Variants in PTPRD observed in about 807,000 individuals in gnomAD.
PTPRD encodes protein tyrosine phosphatase receptor type D, also known as receptor-type tyrosine-protein phosphatase delta.
PTPRD carries 34 observed loss-of-function variants against 214.5 expected under a neutral mutation model. The observed-to-expected ratio is 0.16, with a 90% CI of 0.12 to 0.21. PTPRD has a LOEUF of 0.21. Among genes scored for constraint, PTPRD ranks in the 10% least tolerant of loss-of-function variants. PTPRD has a pLI of 1.00. For missense variants in PTPRD, 2,545 were observed against 2,398.7 expected (o/e 1.06, Z -1.27); for synonymous variants, 1,128 against 845.7 (o/e 1.33, Z -5.79).
At chr9:9,663,827 A>G (rs997995187) in intron 7 of PTPRD, among the ~76,000 whole-genome samples, 5 of 151,600 alleles carry the variant, frequency 3.3e-5, no homozygotes, top group Non-Finnish European at 5.9e-5. Context: ...ACAGTTGATT[A>G]ATTTTACACT....
intron 11 of PTPRD, among the ~76,000 whole-genome samples, chr9:8,988,676 A>G (rs978214187): frequency 6.6e-6 from 1 of 152,060 alleles, no homozygotes; most frequent in Non-Finnish European, 1.5e-5. Context: ...TAACATTACG[A>G]TTTTTTTAGG....
chr9:8,519,460 AC>A (rs1218899632), intron 20 of PTPRD, among the ~76,000 whole-genome samples: 4 of 152,106 alleles, frequency 2.6e-5, no homozygotes, highest in African/African-American at 9.7e-5. Context: ...CTAATAGTTG[AC>A]TCTTTAGAGA....
At chr9:9,908,309 G>C (rs1338785832) in intron 5 of PTPRD, among the ~76,000 whole-genome samples, 2 of 151,872 alleles carry the variant, frequency 1.3e-5, no homozygotes, top group Non-Finnish European at 2.9e-5. Context: ...AGTATCAATA[G>C]CTGGTATAAA....
At chr9:8,892,493 T>C (rs2098547870) in intron 11 of PTPRD, among the ~76,000 whole-genome samples, 1 of 151,614 alleles carries the variant, frequency 6.6e-6, no homozygotes, top group Admixed American at 6.6e-5. Context: ...TGGATAAATA[T>C]AATAATAATA....
In PTPRD at chr9:10,332,594, C is replaced by T. The variant is rs1323912802; in HGVS notation, c.-545+8369G>A. Among the ~76,000 whole-genome samples, 3 of 151,872 alleles carry T rather than the reference C, an allele frequency of 2.0e-5. No homozygotes were observed. In the East Asian group the frequency reaches 5.8e-4, roughly 30 times the overall value. ...ATGACATACTACATGCAGCATATAA[C>T]GTGTACTACCTACACCCCATGTTCT... is the stretch of plus-strand genomic sequence containing the variant. On this transcript the variant is annotated intron_variant, in intron 3 of 45. Transcript: ENST00000381196.
At chr9:10,436,830 G>A (rs2098721226) in intron 2 of PTPRD, among the ~76,000 whole-genome samples, 1 of 151,752 alleles carries the variant, frequency 6.6e-6, no homozygotes, top group Non-Finnish European at 1.5e-5. Flanking sequence ...AGGAATGGAG[G>A]AGAACTAACG....
At chr9:9,494,761 C>T (rs978745874) in intron 8 of PTPRD, among the ~76,000 whole-genome samples, 1 of 152,150 alleles carries the variant, frequency 6.6e-6, no homozygotes, top group Non-Finnish European at 1.5e-5. Context: ...AGATTCAACA[C>T]AAGTTTAATC....
chr9:9,661,043 C>T (rs570530472), intron 7 of PTPRD, among the ~76,000 whole-genome samples: 2 of 152,022 alleles, frequency 1.3e-5, no homozygotes, highest in East Asian at 1.9e-4. Context: ...TAAACCACCA[C>T]GTAACTTTCC....
At chr9:8,684,766 G>T (rs1022327381) in intron 12 of PTPRD, among the ~76,000 whole-genome samples, 1 of 151,972 alleles carries the variant, frequency 6.6e-6, no homozygotes, top group African/African-American at 2.4e-5. Flanking sequence ...GATTTTAAGG[G>T]TTACAGATTG....
chr9:9,675,284 G>A (rs1450137556), intron 7 of PTPRD, among the ~76,000 whole-genome samples: 2 of 151,586 alleles, frequency 1.3e-5, no homozygotes, highest in Non-Finnish European at 3.0e-5. Context: ...TGCAGTAAAA[G>A]GACTTTCAGA....
chr9:9,046,415 T>C (rs192836863), intron 10 of PTPRD, among the ~76,000 whole-genome samples: 326 of 152,330 alleles, frequency 2.1e-3, no homozygotes, highest in African/African-American at 7.5e-3. Flanking sequence ...AATTGGTAGC[T>C]GTTATCGTGA....
At chr9:8,471,136 G>A (rs756207332) in intron 30 of PTPRD, 51 bp from the exon 31 acceptor site, 37 of 1,487,300 alleles carry the variant, frequency 2.5e-5, no homozygotes, top group South Asian at 4.5e-5. Context: ...GGAGGAAAAC[G>A]TGGATATACC....
At chr9:8,575,401 G>A (rs941427062) in intron 14 of PTPRD, among the ~76,000 whole-genome samples, 3 of 152,082 alleles carry the variant, frequency 2.0e-5, no homozygotes, top group Non-Finnish European at 4.4e-5. Context: ...TATATCAAAT[G>A]CATTAAATAG....
At chr9:9,675,359 TATCTC>T (rs2096909504) in intron 7 of PTPRD, among the ~76,000 whole-genome samples, 2 of 151,800 alleles carry the variant, frequency 1.3e-5, no homozygotes, top group African/African-American at 4.8e-5. Context: ...AATCAACTAA[TATCTC>T]ATCCAGGAAT....
At chr9:10,032,851 A>G (rs1476600351) in intron 4 of PTPRD, among the ~76,000 whole-genome samples, 2 of 151,778 alleles carry the variant, frequency 1.3e-5, no homozygotes, top group East Asian at 3.9e-4. Flanking sequence ...ATATTTTTTT[A>G]CTATTATTTA....
chr9:9,678,116 T>C (rs2096974588), intron 7 of PTPRD, among the ~76,000 whole-genome samples: 1 of 151,996 alleles, frequency 6.6e-6, no homozygotes, highest in Non-Finnish European at 1.5e-5. Context: ...GTAGGAAGAA[T>C]CAATATCGTG....
intron 3 of PTPRD, among the ~76,000 whole-genome samples, chr9:10,123,564 T>A (rs1364952192): frequency 6.6e-6 from 1 of 152,170 alleles, no homozygotes; most frequent in Non-Finnish European, 1.5e-5. Context: ...AACCATCTTG[T>A]TATATAACTA....
At chr9:8,649,193 C>G (rs528721985) in intron 12 of PTPRD, among the ~76,000 whole-genome samples, 1 of 152,180 alleles carries the variant, frequency 6.6e-6, no homozygotes, top group Non-Finnish European at 1.5e-5. Context: ...TTAAGAGGAA[C>G]TAGTGTGATG....
At chr9:9,379,429 G>A (rs144380475) in intron 9 of PTPRD, among the ~76,000 whole-genome samples, 43 of 151,750 alleles carry the variant, frequency 2.8e-4, no homozygotes, top group African/African-American at 9.2e-4. Flanking sequence ...ATGCAGTCTC[G>A]ATTACTGTAG....
Sources: allele counts gnomAD v4.1 joint callset (sites outside exome capture counted in the v4.1 genomes callset), GRCh38; gene constraint gnomAD v4.1.1; transcripts MANE v1.5; gene names NCBI Gene and HGNC (gene_info 2026-07-23, HGNC 2026-07-21).